Variants in ARHGAP26 observed in about 807,000 individuals in gnomAD.
ARHGAP26 encodes the protein Rho GTPase activating protein 26.
In ARHGAP26, 38 loss-of-function variants were observed where a neutral mutation model predicts 104.8. That is an observed-to-expected ratio of 0.36 (90% CI 0.28 to 0.48). The LOEUF (loss-of-function observed/expected upper bound fraction) is 0.48. ARHGAP26 is among the 20% of genes least tolerant of loss of function. The pLI is 0.99. For synonymous variants in ARHGAP26, 341 were observed against 340.0 expected, an observed-to-expected ratio of 1.00 and a Z score of -0.03; for missense variants, 704 against 947.9, an observed-to-expected ratio of 0.74 and a Z score of 3.38.
chr5:142,948,966 A>G (rs980996950), intron 11 of ARHGAP26, among the ~76,000 whole-genome samples: 4 of 151,846 alleles, frequency 2.6e-5, no homozygotes, highest in East Asian at 1.9e-4. Flanking sequence ...TTAGCCAGGC[A>G]TGGTGGCGGG....
At chr5:143,176,346 TG>T (rs1379926763) in intron 20 of ARHGAP26, among the ~76,000 whole-genome samples, 1 of 152,212 alleles carries the variant, frequency 6.6e-6, no homozygotes, top group African/African-American at 2.4e-5. Context: ...ACTTCTTAGA[TG>T]GTAGGAATTA....
intron 17 of ARHGAP26, among the ~76,000 whole-genome samples, chr5:143,090,601 TAGA>T (rs1791272633): frequency 6.6e-6 from 1 of 152,076 alleles, no homozygotes; most frequent in African/African-American, 2.4e-5. Context: ...TCAGCCCCCA[TAGA>T]AGAAGGGAAC....
At chr5:142,815,440 C>T (rs114090122) in intron 1 of ARHGAP26, among the ~76,000 whole-genome samples, 154 of 152,338 alleles carry the variant, frequency 1.0e-3, no homozygotes, top group African/African-American at 3.6e-3. Flanking sequence ...TGAAGGAGGA[C>T]ATTTCTTTTA....
chr5:142,960,170 A>G (rs1262188003), intron 11 of ARHGAP26, among the ~76,000 whole-genome samples: 3 of 152,252 alleles, frequency 2.0e-5, no homozygotes, highest in African/African-American at 4.8e-5. Flanking sequence ...AGAAGAAAGT[A>G]TACTATAAAA....
At chr5:142,960,339 T>C (rs557617184) in intron 11 of ARHGAP26, among the ~76,000 whole-genome samples, 1 of 152,366 alleles carries the variant, frequency 6.6e-6, no homozygotes, top group South Asian at 2.1e-4. Context: ...GGATTCACTT[T>C]CCATAGTTAC....
chr5:143,143,158 C>A (rs1798762235), intron 19 of ARHGAP26, among the ~76,000 whole-genome samples: 2 of 152,140 alleles, frequency 1.3e-5, no homozygotes, highest in African/African-American at 2.4e-5. Context: ...GAGTCCCATG[C>A]ATGGGGGGAA....
At chr5:142,819,248 T>A (rs1597764683) in intron 1 of ARHGAP26, among the ~76,000 whole-genome samples, 1 of 151,470 alleles carries the variant, frequency 6.6e-6, no homozygotes, top group Middle Eastern at 3.4e-3. Flanking sequence ...GTGCCCTAAT[T>A]ACAAATTCCC....
intron 6 of ARHGAP26, among the ~76,000 whole-genome samples, chr5:142,896,958 G>A (rs1759556851): frequency 6.6e-6 from 1 of 152,158 alleles, no homozygotes; most frequent in Admixed American, 6.5e-5. Context: ...TTTTATTTAT[G>A]AGCAAACGAG....
In ARHGAP26 at chr5:142,855,156, G is replaced by A. The variant is rs536112853; in HGVS notation, c.155-18244G>A. 2.6e-5 allele frequency among the ~76,000 whole-genome samples: 4 copies of A among 152,254 alleles called. No homozygotes were observed. In the East Asian group the frequency reaches 7.7e-4, roughly 29 times the overall value. On this transcript the variant is annotated intron_variant, in intron 1 of 22. Transcript: ENST00000645722. ...TGGCAAGAGTGAAGTCACCGTTTTA[G>A]AACATAAATGCTCTCAGTGGTGGAG...
chr5:143,093,147 C>CA (rs1791712820), intron 17 of ARHGAP26, among the ~76,000 whole-genome samples: 2 of 142,594 alleles, frequency 1.4e-5, no homozygotes, highest in Non-Finnish European at 3.1e-5. Context: ...TACCTTTTTG[C>CA]TTTTTTTTTT....
chr5:143,152,556 G>A (rs1336762005), intron 20 of ARHGAP26, among the ~76,000 whole-genome samples: 1 of 152,146 alleles, frequency 6.6e-6, no homozygotes, highest in East Asian at 1.9e-4. Flanking sequence ...ATGCCTGTAG[G>A]CCCATAGTAG....
At chr5:142,791,052 G>T (rs1759694709) in intron 1 of ARHGAP26, among the ~76,000 whole-genome samples, 1 of 151,662 alleles carries the variant, frequency 6.6e-6, no homozygotes, top group Non-Finnish European at 1.5e-5. Context: ...AGCATCTCTT[G>T]GTTCTCCTTA....
At chr5:142,771,202 A>C (rs1026732154) in intron 1 of ARHGAP26, 14 of 1,282,104 alleles carry the variant, frequency 1.1e-5, no homozygotes, top group Non-Finnish European at 1.4e-5. Context: ...CGTGCGCGGC[A>C]CGCAGGTGTC....
At chr5:143,207,472 A>G (rs369671615) in intron 21 of ARHGAP26, 164 bp downstream of exon 21, 2 of 1,613,504 alleles carry the variant, frequency 1.2e-6, no homozygotes, top group African/African-American at 1.3e-5. Flanking sequence ...TGAAGACTCC[A>G]GGTAAAATCT....
chr5:142,886,531 T>A (rs1757729773), intron 5 of ARHGAP26, among the ~76,000 whole-genome samples: 1 of 152,210 alleles, frequency 6.6e-6, no homozygotes, highest in Non-Finnish European at 1.5e-5. Context: ...ACTTTGTAGA[T>A]CAGTTCTTGG....
At chr5:143,023,881 C>T (rs1424244798) in intron 12 of ARHGAP26, among the ~76,000 whole-genome samples, 1 of 152,226 alleles carries the variant, frequency 6.6e-6, no homozygotes, top group East Asian at 1.9e-4. Flanking sequence ...CCCTCCTCCC[C>T]ACACCCTTTT....
At chr5:143,200,090 G>A (rs983417688) in intron 20 of ARHGAP26, among the ~76,000 whole-genome samples, 9 of 152,148 alleles carry the variant, frequency 5.9e-5, no homozygotes, top group East Asian at 1.9e-4. Flanking sequence ...GTATTCATTC[G>A]TACATCACTG....
At chr5:143,005,754 A>G (rs969824227) in intron 11 of ARHGAP26, among the ~76,000 whole-genome samples, 1 of 152,236 alleles carries the variant, frequency 6.6e-6, no homozygotes, top group Admixed American at 6.5e-5. Flanking sequence ...TGTTGTAATC[A>G]TGTTTTGAAC....
chr5:143,190,035 G>GAAAAAAA (rs1342197102), intron 20 of ARHGAP26, among the ~76,000 whole-genome samples: 2 of 144,776 alleles, frequency 1.4e-5, no homozygotes. Context: ...GGAGGGGGGG[G>GAAAAAAA]AAAAAAAAAA....
Sources: gnomAD v4.1 joint callset for allele counts (sites outside exome capture counted in the v4.1 genomes callset) on GRCh38, gnomAD v4.1.1 for gene constraint, MANE v1.5 for transcripts, NCBI Gene and HGNC (gene_info 2026-07-23, HGNC 2026-07-21) for gene names.